Variants in GREM2 observed in about 807,000 individuals in gnomAD.
GREM2 encodes gremlin 2, DAN family BMP antagonist.
Under a neutral mutation model 14.2 loss-of-function variants are expected in GREM2, and 11 were observed. The ratio of observed to expected loss-of-function variants is 0.78; its 90% CI spans 0.49 to 1.28. The LOEUF (loss-of-function observed/expected upper bound fraction) is 1.28, where lower values mean the gene tolerates loss of function less well. Ranked by LOEUF, GREM2 falls within the 50% of genes most tolerant of loss-of-function variation. GREM2 has a pLI of 0.00. For missense variants in GREM2, 210 were observed against 218.5 expected (o/e 0.96, Z 0.24); for synonymous variants, 98 against 97.6 (o/e 1.00, Z -0.02).
At chr1:240,597,663 C>T (rs1395821503) in intron 1 of GREM2, among the ~76,000 whole-genome samples, 1 of 152,186 alleles carries the variant, frequency 6.6e-6, no homozygotes, top group East Asian at 1.9e-4. Context: ...ATGCTTGGCA[C>T]ATTGTAGAAA....
intron 1 of GREM2, among the ~76,000 whole-genome samples, chr1:240,559,627 A>C (rs1043756023): frequency 2.6e-5 from 4 of 152,172 alleles, no homozygotes; most frequent in African/African-American, 9.7e-5. Context: ...TACAGGCCTA[A>C]GCCACTGCGC....
chr1:240,496,841 C>G (rs1250350844), intron 1 of GREM2, among the ~76,000 whole-genome samples: 1 of 152,114 alleles, frequency 6.6e-6, no homozygotes, highest in African/African-American at 2.4e-5. Flanking sequence ...GAAACCCCGT[C>G]TCTACTAAAA....
chr1:240,567,173 A>T (rs917563779), intron 1 of GREM2, among the ~76,000 whole-genome samples: 5 of 152,174 alleles, frequency 3.3e-5, no homozygotes, highest in Non-Finnish European at 5.9e-5. Context: ...AAATAATTTT[A>T]AAAAATACAA....
At chr1:240,499,689 A>ATTGC in intron 1 of GREM2, among the ~76,000 whole-genome samples, 2 of 152,298 alleles carry the variant, frequency 1.3e-5, no homozygotes, top group East Asian at 3.9e-4. Context: ...GCAGCCAAAG[A>ATTGC]TTGCTTGCTT....
chr1:240,597,019 A>G (rs1679831953), intron 1 of GREM2, among the ~76,000 whole-genome samples: 1 of 152,224 alleles, frequency 6.6e-6, no homozygotes, highest in African/African-American at 2.4e-5. Context: ...ACTGAAATTC[A>G]GCCAGTGCCA....
chr1:240,548,444 G>T (rs1296032386), intron 1 of GREM2, among the ~76,000 whole-genome samples: 2 of 152,070 alleles, frequency 1.3e-5, no homozygotes, highest in Admixed American at 6.6e-5. Flanking sequence ...TTTGCACATA[G>T]TCCTCTTATC....
intron 1 of GREM2, among the ~76,000 whole-genome samples, chr1:240,494,898 C>T (rs1677374353): frequency 6.6e-6 from 1 of 151,302 alleles, no homozygotes; most frequent in Non-Finnish European, 1.5e-5. Flanking sequence ...GAGACTCCGG[C>T]TCAGAAAAAA....
At chr1:240,499,198 A>G (rs1237519546) in intron 1 of GREM2, among the ~76,000 whole-genome samples, 1 of 152,210 alleles carries the variant, frequency 6.6e-6, no homozygotes, top group East Asian at 1.9e-4. Flanking sequence ...GTGCTGAGTC[A>G]TCCTTCCTGA....
At chr1:240,502,144 T>C (rs575164459) in intron 1 of GREM2, among the ~76,000 whole-genome samples, 2 of 152,250 alleles carry the variant, frequency 1.3e-5, no homozygotes, top group East Asian at 3.9e-4. Flanking sequence ...GTATAGCTTT[T>C]CTGTCTCTGT....
At chr1:240,601,983 C>T (rs1679934528) in intron 1 of GREM2, among the ~76,000 whole-genome samples, 1 of 151,866 alleles carries the variant, frequency 6.6e-6, no homozygotes, top group African/African-American at 2.4e-5. Flanking sequence ...TCAATAAATC[C>T]TCTCTTGCCC....
intron 1 of GREM2, among the ~76,000 whole-genome samples, chr1:240,507,044 T>C (rs1055179060): frequency 6.6e-6 from 1 of 152,194 alleles, no homozygotes; most frequent in Non-Finnish European, 1.5e-5. Context: ...TTCACCATGA[T>C]AGAGAATATC....
chr1:240,519,273 T>C (rs1349475988), intron 1 of GREM2, among the ~76,000 whole-genome samples: 1 of 152,166 alleles, frequency 6.6e-6, no homozygotes, highest in Non-Finnish European at 1.5e-5. Context: ...CATGATGATA[T>C]AGGTAGCTCC....
At chr1:240,585,487 T>C (rs1256854798) in intron 1 of GREM2, among the ~76,000 whole-genome samples, 2 of 151,964 alleles carry the variant, frequency 1.3e-5, no homozygotes, top group African/African-American at 2.4e-5. Context: ...CTTAGCACTT[T>C]GGGAGGACAA....
At chr1:240,594,603 G>A (rs1239357817) in intron 1 of GREM2, among the ~76,000 whole-genome samples, 1 of 152,102 alleles carries the variant, frequency 6.6e-6, no homozygotes, top group Non-Finnish European at 1.5e-5. Flanking sequence ...AGTTGAGTTT[G>A]TATATGTTCT....
chr1:240,509,647 C>A (rs1006339083), intron 1 of GREM2, among the ~76,000 whole-genome samples: 2 of 152,106 alleles, frequency 1.3e-5, no homozygotes, highest in Admixed American at 6.5e-5. Flanking sequence ...GGATTACAGG[C>A]ATGAGCCACT....
rs754611588 is a variant in GREM2 at position 240,548,104 on chromosome 1, AT to A, written c.-1-54629del. Among the ~76,000 whole-genome samples, 1,055 of 116,138 alleles carry A rather than the reference AT, an allele frequency of 9.1e-3. 4 individuals are homozygous for A. The highest frequency in any genetic ancestry group is 0.032 in the African/African-American group (824 of 25,446). 76.2% of individuals were successfully genotyped at this position (116,138 alleles called of 152,430 possible). On this transcript the variant is annotated intron_variant, in intron 1 of 1. Coordinates refer to ENST00000318160, the MANE Select transcript of GREM2 (RefSeq NM_022469.4). ...TGGTGAAACCCCATCTCAACTAAAA[AT>A]TTAAAAAAAAAAAAAAAAAATTAGC...
At chr1:240,574,968 G>A (rs1423245943) in intron 1 of GREM2, among the ~76,000 whole-genome samples, 6 of 151,934 alleles carry the variant, frequency 3.9e-5, no homozygotes, top group East Asian at 1.9e-4. Flanking sequence ...TTAGCTGGGC[G>A]TGTTGGCGTG....
intron 1 of GREM2, among the ~76,000 whole-genome samples, chr1:240,608,357 C>T (rs977785106): frequency 6.6e-6 from 1 of 152,188 alleles, no homozygotes; most frequent in African/African-American, 2.4e-5. Flanking sequence ...TACAGAGCTG[C>T]TGGATTTTTA....
intron 1 of GREM2, among the ~76,000 whole-genome samples, chr1:240,595,151 C>T (rs1315202074): frequency 2.0e-5 from 3 of 152,070 alleles, no homozygotes; most frequent in Non-Finnish European, 2.9e-5. Context: ...TTCGGGAGGC[C>T]GAGGAGGGTG....
Sources: allele counts gnomAD v4.1 joint callset (sites outside exome capture counted in the v4.1 genomes callset), GRCh38; gene constraint gnomAD v4.1.1; transcripts MANE v1.5; gene names NCBI Gene and HGNC (gene_info 2026-07-23, HGNC 2026-07-21).